The following ADGRG2 variants were observed in gnomAD, a reference collection of about 807,000 sequenced individuals.
ADGRG2 encodes adhesion G protein-coupled receptor G2, also known as G protein-coupled receptor 64.
ADGRG2 carries 26 observed loss-of-function variants against 74.1 expected under a neutral mutation model. That is an observed-to-expected ratio of 0.35 (90% CI 0.26 to 0.49). The LOEUF (loss-of-function observed/expected upper bound fraction) is 0.49, where lower values mean the gene tolerates loss of function less well. Ranked by LOEUF, ADGRG2 falls within the 20% of genes least tolerant of loss-of-function variation. The pLI is 0.99. For missense variants in ADGRG2, 619 were observed against 763.1 expected, an observed-to-expected ratio of 0.81 and a Z score of 2.22; for synonymous variants, 296 against 295.2, an observed-to-expected ratio of 1.00 and a Z score of -0.03.
At chrX:19,036,907 T>C (rs1243349534) in intron 6 of ADGRG2, among the ~76,000 whole-genome samples, 3 of 111,339 alleles carry the variant, frequency 2.7e-5, no homozygotes. Flanking sequence ...GAAGGAAGGC[T>C]GTCTACCCAT....
At chrX:19,067,846 AAAG>A (rs1282475883) in intron 3 of ADGRG2, among the ~76,000 whole-genome samples, 1 of 112,370 alleles carries the variant, frequency 8.9e-6, no homozygotes, top group Non-Finnish European at 1.9e-5. Flanking sequence ...ACACTTCTCC[AAAG>A]AAGATATACA....
chrX:19,102,959 A>G (rs946991627), intron 1 of ADGRG2, among the ~76,000 whole-genome samples: 4 of 111,714 alleles, frequency 3.6e-5, no homozygotes, highest in African/African-American at 1.3e-4. Flanking sequence ...AGAAAGTTAC[A>G]GGGTAGTGTC....
rs985925674 is a variant in ADGRG2, at chrX:19,037,363, C to T, written c.226+104G>A. ...TTTTGGGTTATTTGAAACTACTCGA[C>T]GTATTCAGAAATAATTTAGAAATGG... On this transcript the variant is annotated intron_variant, in intron 6 of 28. Coordinates refer to ENST00000379869, the MANE Select transcript of ADGRG2 (RefSeq NM_001079858.3). The T allele has an allele frequency of 1.5e-5, 9 of 602,934 alleles. No homozygotes were observed. In the Admixed American group the frequency reaches 1.7e-4, roughly 11 times the overall value. The allele number at this position is 602,934 out of a possible 1,213,427, so 49.7% of individuals were successfully genotyped here.
intron 3 of ADGRG2, among the ~76,000 whole-genome samples, chrX:19,049,802 C>T (rs1258097275): frequency 9.0e-6 from 1 of 111,037 alleles, no homozygotes; most frequent in African/African-American, 3.3e-5. Context: ...CCCTCTCCTC[C>T]CCAACTCCAC....
At chrX:19,019,536 G>A in intron 15 of ADGRG2, 63 bp downstream of exon 15, 2 of 634,168 alleles carry the variant, frequency 3.2e-6, no homozygotes, top group East Asian at 6.6e-5. Flanking sequence ...AAACTCCTTA[G>A]CTAGCATGGT....
intron 3 of ADGRG2, among the ~76,000 whole-genome samples, chrX:19,066,445 C>CT (rs1225489257): frequency 0.15 from 5,814 of 39,934 alleles, 1,787 homozygotes; most frequent in African/African-American, 0.18. Context: ...GAGGATGCTT[C>CT]TTTTTTTTTT....
rs766671037 is a variant in ADGRG2 at position 19,031,031 on chromosome X, T to C, written c.311A>G (p.Lys104Arg). ...CAAATTGCAGATATTTCTCTGGGGT[T>C]TGACGCCTGCAAAGAAAACACAACC... ...IVKTFNASGV[K>R]PQRNICNLSS... is the part of the protein sequence containing the mutation. The change falls in exon 9 of 29, where the codon AAA becomes AGA. Residue 104 changes from lysine (K) to arginine (R), a missense_variant. By Grantham distance (26) the Lys-to-Arg change is conservative. Coordinates refer to ENST00000379869, the MANE Select transcript of ADGRG2 (RefSeq NM_001079858.3). 4.1e-5 allele frequency: 49 copies of C among 1,192,087 alleles called. No individual in the cohort carries two copies. The highest frequency in any genetic ancestry group is 5.2e-5 in the Non-Finnish European group (46 of 878,963).
intron 28 of ADGRG2, among the ~76,000 whole-genome samples, chrX:18,991,797 T>C (rs936522749): frequency 5.4e-5 from 6 of 111,713 alleles, no homozygotes; most frequent in African/African-American, 2.0e-4. Flanking sequence ...CATTAGACCA[T>C]TGGGAGACTA....
chrX:19,090,923 G>A lies in ADGRG2; in HGVS notation c.-46-8177C>T, dbSNP rs1246946357. On this transcript the variant is annotated intron_variant, in intron 1 of 28. Transcript: ENST00000379869. Reference sequence around the variant, plus strand: ...CAAGTGCCACAAAGCAATGCAACAGGAGCTCTGGGTGAAGACAGGGGGATC... The same window carrying A: ...CAAGTGCCACAAAGCAATGCAACAGAAGCTCTGGGTGAAGACAGGGGGATC... 2.7e-5 allele frequency among the ~76,000 whole-genome samples: 3 copies of A among 111,403 alleles called. No homozygotes were observed. The East Asian group carries it at 8.5e-4, about 32-fold the overall frequency.
intron 1 of ADGRG2, among the ~76,000 whole-genome samples, chrX:19,084,290 G>A (rs754069335): frequency 2.7e-5 from 3 of 109,125 alleles, no homozygotes; most frequent in Admixed American, 9.8e-5. Context: ...GACACATGGA[G>A]GGGAACAACA....
intron 2 of ADGRG2, among the ~76,000 whole-genome samples, chrX:19,081,943 T>G (rs1278091863): frequency 9.2e-6 from 1 of 108,905 alleles, no homozygotes; most frequent in Non-Finnish European, 1.9e-5. Flanking sequence ...CATGGTTGCA[T>G]GCACCTGTGG....
At chrX:19,104,131 A>T (rs982129740) in intron 1 of ADGRG2, among the ~76,000 whole-genome samples, 7 of 110,664 alleles carry the variant, frequency 6.3e-5, no homozygotes, top group African/African-American at 2.3e-4. Context: ...TAGGCCCTTG[A>T]AACTGAGTGT....
rs767648808 is a variant in ADGRG2 at position 19,023,387 on chromosome X, T to C, written c.548+29A>G. ...TTATTTCTCATAAATGGAGAAATTA[T>C]ATTTATGAAAGTATTAAAAATGACT... On this transcript the variant is annotated intron_variant, in intron 13 of 28. Coordinates refer to ENST00000379869, the MANE Select transcript of ADGRG2 (RefSeq NM_001079858.3). 3 of 938,773 alleles carry C rather than the reference T, an allele frequency of 3.2e-6. No individual in the cohort carries two copies. The East Asian group carries it at 9.3e-5, about 29-fold the overall frequency. 77.4% of individuals were successfully genotyped at this position (938,773 alleles called of 1,213,427 possible).
intron 3 of ADGRG2, among the ~76,000 whole-genome samples, chrX:19,048,633 T>C (rs1197854364): frequency 9.0e-6 from 1 of 111,577 alleles, no homozygotes; most frequent in Non-Finnish European, 1.9e-5. Context: ...AGCCTTGAAA[T>C]TAACTTTCTG....
rs147891700 is a variant in ADGRG2 at position 19,023,946 on chromosome X, C to A, written c.473G>T (p.Arg158Leu). Residue 158 changes from arginine to leucine, a missense_variant and splice_region_variant, in exon 12 of 29, where the codon CGC (arginine) becomes CTC (leucine). Physicochemically the swap from Arg to Leu is moderately radical, Grantham distance 102. Around this residue, in one of 3 missense-constraint regions of ADGRG2, gnomAD observed 292 missense variants for 318.0 expected, o/e 0.92. Transcript: ENST00000379869. ...TTGCAGGGTTTTGTTGAGCTCTGAG[C>A]GTCTGTAATAAAATGAGAGAAATTG... ...TGVLSLSELK[R>L]SELNKTLQTL... is the part of the protein sequence containing the mutation. 2.2e-5 allele frequency: 26 copies of A among 1,174,259 alleles called. No individual in the cohort carries two copies. The highest frequency in any genetic ancestry group is 1.8e-4 in the East Asian group (6 of 33,621).
At chrX:19,122,478 G>T (rs2062626702), upstream of ADGRG2, 2 of 111,198 alleles carry the variant, frequency 1.8e-5, no homozygotes, top group Admixed American at 1.9e-4. Flanking sequence ...TGCTGGCGCC[G>T]TCCGGCCCGC....
At chrX:19,050,361 G>A (rs919610573) in intron 3 of ADGRG2, among the ~76,000 whole-genome samples, 1 of 107,284 alleles carries the variant, frequency 9.3e-6, no homozygotes, top group Non-Finnish European at 2.0e-5. Context: ...CAGCTGAGCA[G>A]GCTGCCAGGG....
chrX:19,041,675 C>T (rs977917203), intron 3 of ADGRG2, among the ~76,000 whole-genome samples: 2 of 111,902 alleles, frequency 1.8e-5, no homozygotes, highest in African/African-American at 6.5e-5. Context: ...CTGCAGCCAA[C>T]AAGGCAAATG....
In ADGRG2 at chrX:19,038,380, TGGCTGGCCTGCTTTA is replaced by T. The variant is rs199898729; in HGVS notation, c.155-759_155-745del. 9.7e-4 allele frequency among the ~76,000 whole-genome samples: 109 copies of T among 112,314 alleles called. 2 individuals carry two copies. In the East Asian group the frequency reaches 0.026, roughly 26 times the overall value. ...CAAAGTTGGGTGTGTCAAGGCACTT[TGGCTGGCCTGCTTTA>T]GACTGCTCTTGTGTTGGCTGAAACA... On this transcript the variant is annotated intron_variant, in intron 4 of 28. Transcript: ENST00000379869.
Sources: gnomAD v4.1 joint callset for allele counts (sites outside exome capture counted in the v4.1 genomes callset) on GRCh38, gnomAD v4.1.1 for gene constraint, gnomAD v4.1.1 regional missense constraint, MANE v1.5 for transcripts, NCBI Gene and HGNC (gene_info 2026-07-23, HGNC 2026-07-21) for gene names.